MID1: variants seen among roughly 807,000 people sequenced by gnomAD.
MID1 encodes E3 ubiquitin-protein ligase Midline-1.
MID1 carries 7 observed loss-of-function variants against 40.4 expected under a neutral mutation model. That is an observed-to-expected ratio of 0.17 (90% CI 0.10 to 0.33). The LOEUF is 0.33. Among genes scored for constraint, MID1 ranks in the 10% least tolerant of loss-of-function variants. The pLI, the probability that MID1 is intolerant of heterozygous loss-of-function variation, is 1.00. For missense variants in MID1, 367 were observed against 558.5 expected (o/e 0.66, Z 3.46); for synonymous variants, 229 against 221.2 (o/e 1.04, Z -0.31).
At chrX:10,796,458 G>T (rs2043968304) in intron 1 of MID1, among the ~76,000 whole-genome samples, 1 of 103,155 alleles carries the variant, frequency 9.7e-6, no homozygotes, top group South Asian at 4.6e-4. Flanking sequence ...TTTTTGATAG[G>T]TTAATAAAGT....
At chrX:10,534,341 T>C (rs1933157766) in intron 2 of MID1, among the ~76,000 whole-genome samples, 1 of 112,025 alleles carries the variant, frequency 8.9e-6, no homozygotes, top group Non-Finnish European at 1.9e-5. Flanking sequence ...TGCTTAGCCT[T>C]GGATGGATGA....
Position 10,460,917 on chromosome X carries a change from A to G in MID1, c.1286-1110T>C, listed in dbSNP as rs773773385. The stretch of plus-strand genomic sequence containing the variant: ...ACCACAAATATATGCATAGAATTTC[A>G]AGGTAGTCACAGGCTCCCGAAGCCT... On this transcript the variant is annotated intron_variant, in intron 7 of 9. Coordinates refer to ENST00000317552, the MANE Select transcript of MID1 (RefSeq NM_000381.4). Among the ~76,000 whole-genome samples, 6 of 111,122 alleles carry G rather than the reference A, an allele frequency of 5.4e-5. No homozygotes were observed. In the East Asian group the frequency reaches 1.7e-3, roughly 31 times the overall value.
At chrX:10,606,318 C>T (rs1231935531) in intron 1 of MID1, among the ~76,000 whole-genome samples, 2 of 110,134 alleles carry the variant, frequency 1.8e-5, no homozygotes, top group African/African-American at 6.6e-5. Context: ...GTAATAAATA[C>T]AAAATATATT....
chrX:10,678,669 A>G (rs942695733), intron 1 of MID1, among the ~76,000 whole-genome samples: 1 of 112,222 alleles, frequency 8.9e-6, no homozygotes, highest in Non-Finnish European at 1.9e-5. Context: ...TTCATGTTTA[A>G]TGAATGCCTA....
At chrX:10,773,152 C>T (rs1269414993) in intron 1 of MID1, among the ~76,000 whole-genome samples, 1 of 111,472 alleles carries the variant, frequency 9.0e-6, no homozygotes, top group Non-Finnish European at 1.9e-5. Context: ...ATTTAATGTG[C>T]TTTATTAATT....
intron 1 of MID1, among the ~76,000 whole-genome samples, chrX:10,785,152 A>T (rs756473407): frequency 8.9e-6 from 1 of 111,735 alleles, no homozygotes; most frequent in East Asian, 2.8e-4. Flanking sequence ...AAAACCCACA[A>T]GCATTCTTAT....
intron 1 of MID1, among the ~76,000 whole-genome samples, chrX:10,797,075 A>G (rs770044653): frequency 9.2e-6 from 1 of 108,546 alleles, no homozygotes; most frequent in African/African-American, 3.6e-5. Flanking sequence ...AGATACATCT[A>G]TCAACATATT....
chrX:10,587,481 A>C (rs2147501615), intron 1 of MID1, among the ~76,000 whole-genome samples: 1 of 112,858 alleles, frequency 8.9e-6, no homozygotes, highest in Non-Finnish European at 1.9e-5. Flanking sequence ...GATATAGCAG[A>C]GAGAGCTTGG....
chrX:10,545,442 T>C (rs762839595), intron 2 of MID1, among the ~76,000 whole-genome samples: 28 of 112,023 alleles, frequency 2.5e-4, no homozygotes, highest in Non-Finnish European at 4.9e-4. Flanking sequence ...TTTCAACATA[T>C]TGAAGGTTAT....
chrX:10,642,458 G>C (rs1936210223), intron 1 of MID1, among the ~76,000 whole-genome samples: 1 of 109,879 alleles, frequency 9.1e-6, no homozygotes, highest in Admixed American at 9.7e-5. Flanking sequence ...ACTTACAAGG[G>C]ATGTGAAGGA....
At chrX:10,798,909 T>C (rs748525209) in intron 1 of MID1, among the ~76,000 whole-genome samples, 1 of 111,899 alleles carries the variant, frequency 8.9e-6, no homozygotes, top group African/African-American at 3.2e-5. Flanking sequence ...CACCACATAT[T>C]GGGGTAAGAG....
intron 1 of MID1, among the ~76,000 whole-genome samples, chrX:10,753,190 G>T (rs183045495): frequency 2.6e-3 from 289 of 112,258 alleles, no homozygotes; most frequent in Non-Finnish European, 4.3e-3. Flanking sequence ...GTAGTCGGCT[G>T]TCTAACTGGG....
intron 2 of MID1, among the ~76,000 whole-genome samples, chrX:10,564,990 C>A (rs1045352556): frequency 3.1e-3 from 191 of 61,159 alleles, no homozygotes; most frequent in Non-Finnish European, 3.6e-3. Flanking sequence ...CCACCACCAA[C>A]CAAAAAAGGG....
intron 1 of MID1, among the ~76,000 whole-genome samples, chrX:10,747,646 T>C (rs936638830): frequency 3.6e-5 from 4 of 112,436 alleles, no homozygotes; most frequent in African/African-American, 1.3e-4. Flanking sequence ...CAGACATAAC[T>C]TTCCATTTAC....
At chrX:10,501,048 C>T (rs1175532610) in intron 3 of MID1, among the ~76,000 whole-genome samples, 2 of 111,904 alleles carry the variant, frequency 1.8e-5, no homozygotes, top group East Asian at 2.8e-4. Flanking sequence ...CGGTGGCTCA[C>T]GCCTGTAATC....
At chrX:10,723,834 C>G (rs886218000) in intron 1 of MID1, among the ~76,000 whole-genome samples, 2 of 112,906 alleles carry the variant, frequency 1.8e-5, no homozygotes, top group African/African-American at 6.4e-5. Flanking sequence ...GCCACCGCGC[C>G]CAGCTAAAGA....
intron 1 of MID1, among the ~76,000 whole-genome samples, chrX:10,573,371 C>G (rs1001921325): frequency 1.8e-5 from 2 of 112,021 alleles, no homozygotes; most frequent in African/African-American, 6.5e-5. Context: ...GGCATCTGCT[C>G]AAGAGAAGGA....
intron 1 of MID1, among the ~76,000 whole-genome samples, chrX:10,818,069 C>T (rs750779620): frequency 1.8e-5 from 2 of 112,332 alleles, no homozygotes; most frequent in East Asian, 2.8e-4. Context: ...GGTTTTTGCT[C>T]TATCGAAATA....
intron 1 of MID1, among the ~76,000 whole-genome samples, chrX:10,601,007 C>T (rs960875931): frequency 5.4e-5 from 6 of 111,776 alleles, no homozygotes; most frequent in African/African-American, 2.0e-4. Flanking sequence ...GCTTCCCTAA[C>T]TTAAAATAAA....
Sources: gnomAD v4.1 joint callset for allele counts (sites outside exome capture counted in the v4.1 genomes callset) on GRCh38, gnomAD v4.1.1 for gene constraint, MANE v1.5 for transcripts, NCBI Gene and HGNC (gene_info 2026-07-23, HGNC 2026-07-21) for gene names.